The following DIRAS2 variants were observed in gnomAD, a reference collection of about 807,000 sequenced individuals.
DIRAS2 encodes GTP-binding protein Di-Ras2.
DIRAS2 carries 5 observed loss-of-function variants against 13.9 expected under a neutral mutation model. The ratio of observed to expected loss-of-function variants is 0.36; its 90% CI spans 0.19 to 0.76. The LOEUF is 0.76. DIRAS2 is among the 30% of genes least tolerant of loss of function. The probability of loss-of-function intolerance (pLI) is 0.53; values close to 1 mark genes in which losing one functional copy is unlikely to be tolerated. For missense variants in DIRAS2, 191 were observed against 263.0 expected (o/e 0.73, Z 1.89); for synonymous variants, 111 against 105.4 (o/e 1.05, Z -0.33).
At chr9:90,633,485 G>A (rs1230097646) in intron 1 of DIRAS2, among the ~76,000 whole-genome samples, 1 of 152,152 alleles carries the variant, frequency 6.6e-6, no homozygotes, top group Non-Finnish European at 1.5e-5. Context: ...GGGACAGTCA[G>A]GGGCTCACAT....
Position 90,612,962 on chromosome 9 carries a change from T to G in DIRAS2, c.*266A>C. 1 of 478,140 alleles carries G rather than the reference T, an allele frequency of 2.1e-6. No individual in the cohort carries two copies. The highest frequency in any genetic ancestry group is 3.8e-6 in the Non-Finnish European group (1 of 265,620). 29.6% of individuals were successfully genotyped at this position (478,140 alleles called of 1,614,324 possible). ...CCACCTTCGGGTGTTCATCGCCACC[T>G]TCAGCAATTGCTGGCACCTCTCAGT... On this transcript the variant is annotated 3_prime_UTR_variant, in exon 2 of 2. Coordinates refer to ENST00000375765, the MANE Select transcript of DIRAS2 (RefSeq NM_017594.5).
chr9:90,642,083 G>A (rs1825423633), intron 1 of DIRAS2, among the ~76,000 whole-genome samples: 1 of 152,224 alleles, frequency 6.6e-6, no homozygotes, highest in East Asian at 1.9e-4. Flanking sequence ...GAAGGAGAGA[G>A]GCAGGTTCCC....
intron 1 of DIRAS2, among the ~76,000 whole-genome samples, chr9:90,636,823 C>T (rs1443582038): frequency 6.6e-6 from 1 of 152,220 alleles, no homozygotes; most frequent in Non-Finnish European, 1.5e-5. Context: ...TGCTCCTCAA[C>T]TTACCATGTG....
At chr9:90,627,467 T>C (rs907377302) in intron 1 of DIRAS2, among the ~76,000 whole-genome samples, 1 of 152,132 alleles carries the variant, frequency 6.6e-6, no homozygotes, top group Non-Finnish European at 1.5e-5. Flanking sequence ...AGCGGGTACA[T>C]ATAGCAGTCA....
At chr9:90,641,217 G>C (rs1419455837) in intron 1 of DIRAS2, among the ~76,000 whole-genome samples, 1 of 152,192 alleles carries the variant, frequency 6.6e-6, no homozygotes, top group Non-Finnish European at 1.5e-5. Context: ...CATTCAATCT[G>C]TATGTTTTCT....
At chr9:90,622,474 T>C (rs116701687) in intron 1 of DIRAS2, among the ~76,000 whole-genome samples, 5,328 of 151,970 alleles carry the variant, frequency 0.035, 154 homozygotes, top group South Asian at 0.12. Context: ...TTTTTTTTTT[T>C]CCTCTAACTC....
At chr9:90,621,918 A>T (rs1825222523) in intron 1 of DIRAS2, among the ~76,000 whole-genome samples, 1 of 152,218 alleles carries the variant, frequency 6.6e-6, no homozygotes, top group Non-Finnish European at 1.5e-5. Flanking sequence ...GTTTGTTCAA[A>T]ATATATATGT....
In DIRAS2 at chr9:90,610,213, T is replaced by A. The variant is rs1825097236; in HGVS notation, c.*3015A>T. ...GCAATTTTTAAAATATTTAATACAT[T>A]TTTGTTCTACAAAGAATGAGCATTT... On this transcript the variant is annotated 3_prime_UTR_variant, in exon 2 of 2. Transcript: ENST00000375765. The A allele has an allele frequency of 2.6e-6, 1 of 385,284 alleles. No individual in the cohort carries two copies. The highest frequency in any genetic ancestry group is 4.5e-5 in the Admixed American group (1 of 22,434). The allele number at this position is 385,284 out of a possible 1,614,324, so 23.9% of individuals were successfully genotyped here.
Position 90,610,607 on chromosome 9 carries a change from G to A in DIRAS2, c.*2621C>T. On this transcript the variant is annotated 3_prime_UTR_variant, in exon 2 of 2. Transcript: ENST00000375765. Reference sequence around the variant, plus strand: ...TCAAGAACCACAGCTACATATTTGGGAATGGAAACGTACAAATGCTTTAAA... The same window carrying A: ...TCAAGAACCACAGCTACATATTTGGAAATGGAAACGTACAAATGCTTTAAA... 1 of 393,074 alleles carries A rather than the reference G, an allele frequency of 2.5e-6. No homozygotes were observed. The highest frequency in any genetic ancestry group is 3.6e-5 in the East Asian group (1 of 27,768). The allele number at this position is 393,074 out of a possible 1,614,324, so 24.3% of individuals were successfully genotyped here. A position where few individuals can be genotyped will look rare whatever the true frequency, so the allele number is the denominator to read the frequency against.
At chr9:90,627,460 G>A (rs1012669289) in intron 1 of DIRAS2, among the ~76,000 whole-genome samples, 1 of 152,096 alleles carries the variant, frequency 6.6e-6, no homozygotes, top group African/African-American at 2.4e-5. Flanking sequence ...CACTTATAGC[G>A]GGTACATATA....
chr9:90,641,780 T>C (rs1411779744), intron 1 of DIRAS2, among the ~76,000 whole-genome samples: 1 of 152,156 alleles, frequency 6.6e-6, no homozygotes, highest in Non-Finnish European at 1.5e-5. Flanking sequence ...AAAAATAATA[T>C]TTTTGAAAAT....
intron 1 of DIRAS2, among the ~76,000 whole-genome samples, chr9:90,621,666 G>T (rs1825220514): frequency 6.6e-6 from 1 of 152,168 alleles, no homozygotes; most frequent in African/African-American, 2.4e-5. Flanking sequence ...TCTCTTTTCA[G>T]AAATAACAAC....
chr9:90,629,039 A>G (rs2118569243), intron 1 of DIRAS2, among the ~76,000 whole-genome samples: 1 of 152,146 alleles, frequency 6.6e-6, no homozygotes, highest in South Asian at 2.1e-4. Context: ...TATTTTTAGT[A>G]GAGACGGGGT....
rs577326246 is a variant in DIRAS2 at position 90,633,273 on chromosome 9, C to A, written c.-37+9479G>T. Among the ~76,000 whole-genome samples, 20 of 152,258 alleles carry A rather than the reference C, an allele frequency of 1.3e-4. 1 individual carries two copies. Among genetic ancestry groups the A allele is most frequent in the Admixed American group, 1.3e-3 (20 of 15,300 alleles). ...AAAACAATTATGGTGACATCAACAG[C>A]AACTAGTGATGGGTCGGTGGGAAAA... On this transcript the variant is annotated intron_variant, in intron 1 of 1. Coordinates refer to ENST00000375765, the MANE Select transcript of DIRAS2 (RefSeq NM_017594.5).
intron 1 of DIRAS2, among the ~76,000 whole-genome samples, chr9:90,642,487 G>C (rs938389746): frequency 6.6e-6 from 1 of 152,168 alleles, no homozygotes; most frequent in African/African-American, 2.4e-5. Context: ...GGTAAATCCT[G>C]TTTTGGAAGG....
chr9:90,630,055 G>A (rs575224765), intron 1 of DIRAS2, among the ~76,000 whole-genome samples: 4 of 152,228 alleles, frequency 2.6e-5, no homozygotes, highest in African/African-American at 9.6e-5. Flanking sequence ...GCTTATTTAT[G>A]CACTTACCTC....
intron 1 of DIRAS2, among the ~76,000 whole-genome samples, chr9:90,639,180 G>A (rs1419877207): frequency 6.6e-6 from 1 of 152,120 alleles, no homozygotes; most frequent in East Asian, 1.9e-4. Context: ...GATGGAAATT[G>A]TACCCACCCC....
chr9:90,633,898 G>T (rs1474306181), intron 1 of DIRAS2, among the ~76,000 whole-genome samples: 1 of 152,174 alleles, frequency 6.6e-6, no homozygotes, highest in Non-Finnish European at 1.5e-5. Flanking sequence ...CACTTCCTGA[G>T]ACTTTGGTTG....
chr9:90,627,249 G>A lies in DIRAS2; in HGVS notation c.-36-13386C>T, dbSNP rs910661642. Among the ~76,000 whole-genome samples the A allele has an allele frequency of 7.2e-5, 11 of 152,156 alleles. No individual in the cohort carries two copies. The East Asian group carries it at 2.1e-3, about 29-fold the overall frequency. On this transcript the variant is annotated intron_variant, in intron 1 of 1. Coordinates refer to ENST00000375765, the MANE Select transcript of DIRAS2 (RefSeq NM_017594.5). ...TCCTGTACAGCCTGCAGAACCATGA[G>A]CCAACTAAGCCTCTTTTCTTATAAA...
Sources: gnomAD v4.1 joint callset for allele counts (sites outside exome capture counted in the v4.1 genomes callset) on GRCh38, gnomAD v4.1.1 for gene constraint, MANE v1.5 for transcripts, NCBI Gene and HGNC (gene_info 2026-07-23, HGNC 2026-07-21) for gene names.